Variants in MICAL2 observed in about 807,000 individuals in gnomAD.
MICAL2 encodes the protein [F-actin]-monooxygenase MICAL2.
In MICAL2, 77 loss-of-function variants were observed where a neutral mutation model predicts 127.3. The observed-to-expected ratio is 0.60, with a 90% CI of 0.50 to 0.73. MICAL2 has a LOEUF of 0.73. Ranked by LOEUF, MICAL2 falls within the 30% of genes least tolerant of loss-of-function variation. The pLI, the probability that MICAL2 is intolerant of heterozygous loss-of-function variation, is 0.00. For missense variants in MICAL2, 1,351 were observed against 1,434.4 expected (o/e 0.94, Z 0.94); for synonymous variants, 570 against 551.1 (o/e 1.03, Z -0.48).
chr11:12,223,265 C>T (rs1359716055), intron 11 of MICAL2, 146 bp from the exon 12 acceptor site: 6 of 646,518 alleles, frequency 9.3e-6, no homozygotes, highest in Non-Finnish European at 1.6e-5. Context: ...ACTGAAGTTG[C>T]CTGCGTTCCC....
At chr11:12,350,419 G>A (rs1939025718) in intron 33 of MICAL2, among the ~76,000 whole-genome samples, 1 of 152,158 alleles carries the variant, frequency 6.6e-6, no homozygotes, top group Non-Finnish European at 1.5e-5. Flanking sequence ...ACCAAAAAGT[G>A]GAGATGGATG....
chr11:12,204,132 C>T (rs1854372096), intron 3 of MICAL2, 118 bp from the exon 4 acceptor site: 4 of 910,464 alleles, frequency 4.4e-6, no homozygotes, highest in Admixed American at 2.0e-5. Context: ...ACACAGCTTG[C>T]ACTTGCTGGT....
intron 24 of MICAL2, among the ~76,000 whole-genome samples, chr11:12,268,786 C>A: frequency 6.6e-6 from 1 of 151,294 alleles, no homozygotes; most frequent in East Asian, 2.0e-4. Flanking sequence ...GTTAGGAGAT[C>A]GAGACCATCC....
upstream of MICAL2, among the ~76,000 whole-genome samples, chr11:12,274,085 A>C (rs1211698722): frequency 1.3e-5 from 2 of 152,212 alleles, no homozygotes; most frequent in African/African-American, 4.8e-5. Context: ...GACTTTCAGC[A>C]TATTTAAATA....
chr11:12,296,838 A>G (rs1388421592), downstream of MICAL2, among the ~76,000 whole-genome samples: 1 of 151,642 alleles, frequency 6.6e-6, no homozygotes, highest in African/African-American at 2.4e-5. Context: ...TGAACTTTTC[A>G]TTTTATTTTG....
chr11:12,233,460 G>A (rs1324861431), intron 15 of MICAL2, among the ~76,000 whole-genome samples: 1 of 152,100 alleles, frequency 6.6e-6, no homozygotes, highest in Non-Finnish European at 1.5e-5. Flanking sequence ...ATTATTCCTG[G>A]GCTAGGCTAT....
chr11:12,349,706 C>A, intron 32 of MICAL2: 1 of 744,102 alleles, frequency 1.3e-6, no homozygotes, highest in Non-Finnish European at 2.3e-6. Flanking sequence ...GAGGCACCTA[C>A]AGGGTGTCAG....
At position 12,213,229 on chromosome 11, in the gene MICAL2, C is replaced by T. The variant is rs377114922; in HGVS notation, c.692-26C>T. The stretch of plus-strand genomic sequence containing the variant: ...TTCACACCAAATCCAGAAGATAGAC[C>T]CACTTTTTCATTTCTCCTCATGCAG... On this transcript the variant is annotated intron_variant, in intron 6 of 27. Coordinates refer to ENST00000683283, the MANE Select transcript of MICAL2 (RefSeq NM_001282663.2). 16 of 1,580,924 alleles carry T rather than the reference C, an allele frequency of 1.0e-5. No homozygotes were observed. The African/African-American group carries it at 1.8e-4, about 17-fold the overall frequency.
chr11:12,221,051 G>A (rs1374432495), intron 9 of MICAL2, among the ~76,000 whole-genome samples: 2 of 152,236 alleles, frequency 1.3e-5, no homozygotes, highest in Non-Finnish European at 2.9e-5. Context: ...TGCTCATGGA[G>A]CAGATTAGTC....
downstream of MICAL2, among the ~76,000 whole-genome samples, chr11:12,360,668 C>T (rs1939193378): frequency 1.3e-5 from 2 of 152,134 alleles, no homozygotes; most frequent in South Asian, 4.1e-4. Flanking sequence ...ATATTTCCAT[C>T]CTAAAGGATG....
intron 32 of MICAL2, among the ~76,000 whole-genome samples, chr11:12,328,913 C>G (rs1163722002): frequency 6.6e-6 from 1 of 151,970 alleles, no homozygotes; most frequent in African/African-American, 2.4e-5. Flanking sequence ...TTGCAAGGAC[C>G]CATCCAAGTA....
intron 29 of MICAL2, among the ~76,000 whole-genome samples, chr11:12,307,357 A>G (rs570556189): frequency 6.6e-6 from 1 of 152,192 alleles, no homozygotes; most frequent in Non-Finnish European, 1.5e-5. Flanking sequence ...TGTTTGCAAC[A>G]TTCTTTCCTA....
chr11:12,149,882 G>T (rs891263627), intron 2 of MICAL2, among the ~76,000 whole-genome samples: 2 of 152,142 alleles, frequency 1.3e-5, no homozygotes, highest in Admixed American at 6.5e-5. Context: ...GGAGTGTTAC[G>T]GTCCATGACA....
intron 1 of MICAL2, among the ~76,000 whole-genome samples, chr11:12,126,318 T>A (rs1402995446): frequency 6.6e-6 from 1 of 152,232 alleles, no homozygotes; most frequent in Non-Finnish European, 1.5e-5. Flanking sequence ...ATCTCTGGGT[T>A]TGCCTGGAAG....
chr11:12,132,755 A>G (rs1390058461), intron 1 of MICAL2, among the ~76,000 whole-genome samples: 1 of 152,264 alleles, frequency 6.6e-6, no homozygotes, highest in East Asian at 1.9e-4. Flanking sequence ...GATTGTAGTC[A>G]GGAAGATTTT....
chr11:12,304,639 C>CACACACACACACAT (rs1263704010), intron 29 of MICAL2, among the ~76,000 whole-genome samples: 3 of 14,990 alleles, frequency 2.0e-4, no homozygotes, highest in African/African-American at 4.7e-4. Context: ...CTGTCTCAAA[C>CACACACACACACAT]ACACACACAC....
intron 29 of MICAL2, among the ~76,000 whole-genome samples, chr11:12,300,568 G>A (rs2134802958): frequency 6.6e-6 from 1 of 152,196 alleles, no homozygotes; most frequent in Non-Finnish European, 1.5e-5. Context: ...CTGTGGTGTG[G>A]GAGGGCCCAT....
intron 32 of MICAL2, among the ~76,000 whole-genome samples, chr11:12,332,306 T>C (rs897616619): frequency 2.0e-5 from 3 of 152,234 alleles, no homozygotes; most frequent in Non-Finnish European, 4.4e-5. Flanking sequence ...TGTGCATTCA[T>C]AAGTCAGCAG....
intron 29 of MICAL2, among the ~76,000 whole-genome samples, chr11:12,311,273 T>C (rs948503071): frequency 1.5e-4 from 23 of 152,342 alleles, no homozygotes; most frequent in South Asian, 2.1e-4. Context: ...GGTCATAATG[T>C]ACTACCTTTT....
Sources: gnomAD v4.1 joint callset for allele counts (sites outside exome capture counted in the v4.1 genomes callset) on GRCh38, gnomAD v4.1.1 for gene constraint, MANE v1.5 for transcripts, NCBI Gene and HGNC (gene_info 2026-07-23, HGNC 2026-07-21) for gene names.